Variants in MPPED1 observed in about 807,000 individuals in gnomAD.
MPPED1 encodes metallophosphoesterase domain containing 1.
Under a neutral mutation model 36.2 loss-of-function variants are expected in MPPED1, and 16 were observed. The observed-to-expected ratio is 0.44, with a 90% confidence interval of 0.30 to 0.67. The LOEUF is 0.67. Ranked by LOEUF, MPPED1 falls within the 30% of genes least tolerant of loss-of-function variation. The probability of loss-of-function intolerance (pLI) is 0.10; values close to 1 mark genes in which losing one functional copy is unlikely to be tolerated. For synonymous variants in MPPED1, 199 were observed against 191.3 expected (o/e 1.04, Z -0.33); for missense variants, 307 against 453.4 (o/e 0.68, Z 2.93).
intron 5 of MPPED1, among the ~76,000 whole-genome samples, chr22:43,499,386 G>A (rs1259051608): frequency 3.3e-4 from 45 of 136,674 alleles, no homozygotes; most frequent in African/African-American, 1.1e-3. Context: ...TGATGGGGGT[G>A]GTGATGGATG....
intron 4 of MPPED1, among the ~76,000 whole-genome samples, chr22:43,487,548 G>A (rs79210746): frequency 5.9e-5 from 9 of 152,348 alleles, no homozygotes; most frequent in African/African-American, 1.9e-4. Context: ...TGCAGTAAAT[G>A]TGTGGGTGGG....
chr22:43,420,982 C>T (rs764547904), intron 1 of MPPED1, among the ~76,000 whole-genome samples: 7 of 152,146 alleles, frequency 4.6e-5, no homozygotes, highest in Non-Finnish European at 7.4e-5. Context: ...CATCCTCCCC[C>T]GTAGTTCCAT....
intron 2 of MPPED1, among the ~76,000 whole-genome samples, chr22:43,434,009 C>T (rs571002493): frequency 1.2e-4 from 18 of 152,268 alleles, no homozygotes; most frequent in African/African-American, 3.8e-4. Context: ...TCTTAGCCCA[C>T]GGGGTGCCGG....
chr22:43,488,815 C>A (rs1337000903), intron 4 of MPPED1, among the ~76,000 whole-genome samples: 1 of 152,210 alleles, frequency 6.6e-6, no homozygotes, highest in South Asian at 2.1e-4. Flanking sequence ...CATGGCTTAG[C>A]GGGAATTCGC....
chr22:43,447,859 T>TTTTATATATATATATATATATATA (rs1555899992), intron 3 of MPPED1, among the ~76,000 whole-genome samples: 1 of 62,526 alleles, frequency 1.6e-5, no homozygotes, highest in Non-Finnish European at 3.1e-5. Flanking sequence ...TATGTAAATA[T>TTTTATATATATATATATATATATA]TATATATATA....
intron 4 of MPPED1, among the ~76,000 whole-genome samples, chr22:43,484,537 C>T (rs1022597974): frequency 2.0e-5 from 3 of 152,228 alleles, no homozygotes; most frequent in East Asian, 1.9e-4. Context: ...GTGACGGATT[C>T]GTCCTGAGCA....
intron 2 of MPPED1, among the ~76,000 whole-genome samples, chr22:43,425,597 T>G (rs548338108): frequency 6.6e-6 from 1 of 152,334 alleles, no homozygotes; most frequent in African/African-American, 2.4e-5. Context: ...ATCCCTTTCT[T>G]GGCATTTGGG....
At chr22:43,493,197 A>G (rs1569087689) in intron 4 of MPPED1, among the ~76,000 whole-genome samples, 1 of 152,128 alleles carries the variant, frequency 6.6e-6, no homozygotes, top group Non-Finnish European at 1.5e-5. Context: ...TGACTTCTCC[A>G]CTGACCCACT....
At chr22:43,457,848 T>C (rs1006322692) in intron 3 of MPPED1, among the ~76,000 whole-genome samples, 1 of 152,246 alleles carries the variant, frequency 6.6e-6, no homozygotes, top group Non-Finnish European at 1.5e-5. Context: ...TACATTTTTG[T>C]GCATTATAAG....
rs910212486 is a variant in MPPED1, at chr22:43,424,636, C to T, written c.-78-272C>T. Among the ~76,000 whole-genome samples the T allele has an allele frequency of 5.3e-5, 8 of 151,948 alleles. No individual in the cohort carries two copies. In the East Asian group the frequency reaches 9.6e-4, roughly 18 times the overall value. On this transcript the variant is annotated intron_variant, in intron 1 of 6. Transcript: ENST00000443721. ...AAAAAATGTCTTAAGTATTTAAACA[C>T]GTTGAGCCATGCATGCATCCGTCCA...
chr22:43,420,390 A>G (rs187632025), intron 1 of MPPED1, among the ~76,000 whole-genome samples: 21 of 150,516 alleles, frequency 1.4e-4, no homozygotes, highest in Admixed American at 9.3e-4. Context: ...GTGTGAGGTG[A>G]TGCCGCTTCA....
intron 3 of MPPED1, among the ~76,000 whole-genome samples, chr22:43,455,554 C>T (rs939222373): frequency 6.6e-6 from 1 of 152,132 alleles, no homozygotes; most frequent in Non-Finnish European, 1.5e-5. Context: ...CAACATGTTC[C>T]TTTTGTGGAG....
At chr22:43,488,256 A>C (rs1157746077) in intron 4 of MPPED1, among the ~76,000 whole-genome samples, 1 of 151,616 alleles carries the variant, frequency 6.6e-6, no homozygotes, top group Non-Finnish European at 1.5e-5. Flanking sequence ...GGGCCCCCCA[A>C]GGCCCCAGCA....
chr22:43,479,841 C>G (rs2146891659), intron 4 of MPPED1, among the ~76,000 whole-genome samples: 1 of 152,278 alleles, frequency 6.6e-6, no homozygotes, highest in South Asian at 2.1e-4. Context: ...AAGAGATACT[C>G]TGCTTGGGAG....
intron 3 of MPPED1, among the ~76,000 whole-genome samples, chr22:43,460,767 C>T (rs1176156819): frequency 2.0e-5 from 3 of 152,108 alleles, no homozygotes; most frequent in African/African-American, 7.2e-5. Context: ...CCTCAACACC[C>T]TAGCACTTTA....
chr22:43,428,102 A>T (rs1929545457), intron 2 of MPPED1, among the ~76,000 whole-genome samples: 1 of 152,190 alleles, frequency 6.6e-6, no homozygotes, highest in African/African-American at 2.4e-5. Context: ...TGCTGAGCTT[A>T]CATCCAGTGG....
intron 5 of MPPED1, among the ~76,000 whole-genome samples, chr22:43,499,177 T>G (rs1235520292): frequency 8.0e-6 from 1 of 124,672 alleles, no homozygotes; most frequent in Non-Finnish European, 1.7e-5. Flanking sequence ...TGGTGGGAGG[T>G]GGAGATGGTG....
At chr22:43,418,195 C>G (rs1929142106) in intron 1 of MPPED1, 1 of 455,970 alleles carries the variant, frequency 2.2e-6, no homozygotes, top group Non-Finnish European at 4.4e-6. Context: ...AACGAGAGCA[C>G]TTTCGAGAGC....
chr22:43,443,799 C>T (rs181461821), intron 3 of MPPED1, among the ~76,000 whole-genome samples: 193 of 152,068 alleles, frequency 1.3e-3, no homozygotes, highest in Admixed American at 1.0e-3. Context: ...CATTGTTATT[C>T]TTGCAAAGAC....
Sources: allele counts gnomAD v4.1 joint callset (sites outside exome capture counted in the v4.1 genomes callset), GRCh38; gene constraint gnomAD v4.1.1; transcripts MANE v1.5; gene names NCBI Gene and HGNC (gene_info 2026-07-23, HGNC 2026-07-21).